The following SRPK2 variants were observed in gnomAD, a reference collection of about 807,000 sequenced individuals.
SRPK2 encodes the protein SRSF protein kinase 2, also known as SFRS protein kinase 2.
SRPK2 carries 21 observed loss-of-function variants against 90.8 expected under a neutral mutation model. The observed-to-expected ratio is 0.23, with a 90% CI of 0.16 to 0.33. SRPK2 has a LOEUF of 0.33. Among genes scored for constraint, SRPK2 ranks in the 10% least tolerant of loss-of-function variants. SRPK2 has a pLI of 1.00. For missense variants in SRPK2, 620 were observed against 869.0 expected (o/e 0.71, Z 3.60); for synonymous variants, 288 against 311.1 (o/e 0.93, Z 0.78).
chr7:105,226,888 G>C (rs963937824), intron 2 of SRPK2, among the ~76,000 whole-genome samples: 2 of 151,330 alleles, frequency 1.3e-5, no homozygotes, highest in African/African-American at 4.9e-5. Context: ...GTTGCTGTAA[G>C]CCGAGATCAC....
At chr7:105,265,430 G>A (rs1184009265) in intron 2 of SRPK2, among the ~76,000 whole-genome samples, 1 of 152,100 alleles carries the variant, frequency 6.6e-6, no homozygotes, top group Non-Finnish European at 1.5e-5. Context: ...TTGAGCATCT[G>A]TGGATTTTGA....
chr7:105,211,922 G>A (rs1174638820), intron 2 of SRPK2, among the ~76,000 whole-genome samples: 1 of 152,198 alleles, frequency 6.6e-6, no homozygotes, highest in Non-Finnish European at 1.5e-5. Context: ...AGAAAAGAAA[G>A]GAGTTGGTGT....
intron 2 of SRPK2, among the ~76,000 whole-genome samples, chr7:105,259,455 G>A (rs189661105): frequency 5.1e-4 from 78 of 152,118 alleles, no homozygotes; most frequent in Non-Finnish European, 1.6e-4. Flanking sequence ...ATGGCCACAC[G>A]GCCTAAGGTA....
intron 13 of SRPK2, among the ~76,000 whole-genome samples, chr7:105,132,475 G>A (rs950121752): frequency 1.7e-4 from 26 of 152,198 alleles, no homozygotes; most frequent in Non-Finnish European, 2.9e-5. Flanking sequence ...CACATTTTCA[G>A]GGACCACAAG....
chr7:105,189,329 C>T, intron 3 of SRPK2: 1 of 157,082 alleles, frequency 6.4e-6, no homozygotes, highest in Non-Finnish European at 1.4e-5. Context: ...GGTTTGTTGG[C>T]AAAGGCCCTG....
chr7:105,254,518 C>T (rs886606878), intron 2 of SRPK2, among the ~76,000 whole-genome samples: 1 of 152,074 alleles, frequency 6.6e-6, no homozygotes, highest in African/African-American at 2.4e-5. Context: ...TCTATGCAAC[C>T]TTTATAAATG....
intron 2 of SRPK2, among the ~76,000 whole-genome samples, chr7:105,271,469 C>G (rs1319707277): frequency 6.6e-6 from 1 of 152,220 alleles, no homozygotes; most frequent in Non-Finnish European, 1.5e-5. Flanking sequence ...CACTATGATA[C>G]TGTATCCTTT....
rs981971904 is a variant in SRPK2, at chr7:105,167,517, T to C, written c.427-53A>G. ...CACAGGAGTTTGAGACAAAGCATGT[T>C]TTCCCATTATAACACCAATACTGTT... On this transcript the variant is annotated intron_variant, in intron 5 of 15. Coordinates refer to ENST00000393651, the MANE Select transcript of SRPK2 (RefSeq NM_182692.3). 184 of 1,350,748 alleles carry C rather than the reference T, an allele frequency of 1.4e-4. No individual in the cohort carries two copies. The Admixed American group carries it at 2.9e-3, about 21-fold the overall frequency. 83.7% of individuals were successfully genotyped at this position (1,350,748 alleles called of 1,614,324 possible).
intron 2 of SRPK2, among the ~76,000 whole-genome samples, chr7:105,254,713 A>G (rs1401866079): frequency 6.6e-6 from 1 of 152,008 alleles, no homozygotes; most frequent in African/African-American, 2.4e-5. Context: ...GTTTTGAGAC[A>G]GAGTCTCGCC....
intron 2 of SRPK2, among the ~76,000 whole-genome samples, chr7:105,339,549 G>C (rs1815500201): frequency 6.6e-6 from 1 of 152,228 alleles, no homozygotes; most frequent in South Asian, 2.1e-4. Flanking sequence ...CAGCAGTCCT[G>C]AACACTGAGT....
chr7:105,341,447 TG>T (rs1359022087), intron 2 of SRPK2, among the ~76,000 whole-genome samples: 2 of 149,952 alleles, frequency 1.3e-5, no homozygotes, highest in Non-Finnish European at 3.0e-5. Context: ...CCAAGGCAGC[TG>T]GATCGCTTGA....
intron 3 of SRPK2, among the ~76,000 whole-genome samples, chr7:105,177,153 G>C (rs999842042): frequency 7.2e-5 from 11 of 151,844 alleles, no homozygotes; most frequent in African/African-American, 2.4e-4. Flanking sequence ...ACATAAAAAA[G>C]AGCTGGTAAA....
intron 2 of SRPK2, among the ~76,000 whole-genome samples, chr7:105,294,082 T>A (rs1809455398): frequency 6.6e-6 from 1 of 152,142 alleles, no homozygotes; most frequent in Non-Finnish European, 1.5e-5. Flanking sequence ...CCAGTGGGCA[T>A]CTCTAGTCCA....
chr7:105,277,770 T>C (rs1806714221), intron 2 of SRPK2, among the ~76,000 whole-genome samples: 1 of 152,200 alleles, frequency 6.6e-6, no homozygotes, highest in African/African-American at 2.4e-5. Context: ...TCCCCACCCA[T>C]CAAAATCCTT....
At chr7:105,249,363 A>AC (rs1802173650) in intron 2 of SRPK2, among the ~76,000 whole-genome samples, 1 of 152,160 alleles carries the variant, frequency 6.6e-6, no homozygotes. Flanking sequence ...TTTTTAAAGA[A>AC]CTAAATAGTG....
chr7:105,140,330 G>A lies in SRPK2; in HGVS notation c.1543+1678C>T, dbSNP rs939234339. Reference sequence around the variant, plus strand: ...AAAAAGGTACTTTGAGCTGGTCATGGTGGCTCAGGCTCGTAATCCCAGCAC... The same window carrying A: ...AAAAAGGTACTTTGAGCTGGTCATGATGGCTCAGGCTCGTAATCCCAGCAC... On this transcript the variant is annotated intron_variant, in intron 11 of 15. Transcript: ENST00000393651. Among the ~76,000 whole-genome samples, 4 of 152,188 alleles carry A rather than the reference G, an allele frequency of 2.6e-5. No individual in the cohort carries two copies. The East Asian group carries it at 7.7e-4, about 29-fold the overall frequency.
At chr7:105,245,234 T>C (rs1035537306) in intron 2 of SRPK2, among the ~76,000 whole-genome samples, 1 of 152,198 alleles carries the variant, frequency 6.6e-6, no homozygotes, top group Non-Finnish European at 1.5e-5. Flanking sequence ...TGAGAAGCAC[T>C]GAGTCTCAGT....
chr7:105,118,892 G>C lies in SRPK2; in HGVS notation c.1916-870C>G, dbSNP rs1027128967. Among the ~76,000 whole-genome samples, 51 of 152,190 alleles carry C rather than the reference G, an allele frequency of 3.4e-4. 1 individual carries two copies. The highest frequency in any genetic ancestry group is 3.3e-3 in the Admixed American group (51 of 15,272). On this transcript the variant is annotated intron_variant, in intron 15 of 15. Transcript: ENST00000393651. ...TGCCACTGCACTCCATCCTGGGACA[G>C]AGCAAGCGAAACCCTGTCTCCCCAT...
rs569798599 is a variant in SRPK2, at chr7:105,373,937, T to C, written c.71+14711A>G. On this transcript the variant is annotated intron_variant, in intron 2 of 15. Transcript: ENST00000393651. Reference sequence around the variant, plus strand: ...TCCAAACAATTTCTCCCGACTTTCTTTCTTTTTTGAGATGGAGTCTTGCTC... The same window carrying C: ...TCCAAACAATTTCTCCCGACTTTCTCTCTTTTTTGAGATGGAGTCTTGCTC... 2.0e-5 allele frequency among the ~76,000 whole-genome samples: 3 copies of C among 152,120 alleles called. No individual in the cohort carries two copies. The South Asian group carries it at 6.2e-4, about 32-fold the overall frequency.
Sources: allele counts gnomAD v4.1 joint callset (sites outside exome capture counted in the v4.1 genomes callset), GRCh38; gene constraint gnomAD v4.1.1; transcripts MANE v1.5; gene names NCBI Gene and HGNC (gene_info 2026-07-23, HGNC 2026-07-21).